The following RCAN1 variants were observed in gnomAD, a reference collection of about 807,000 sequenced individuals.
RCAN1 encodes the protein calcipressin-1.
A neutral mutation model predicts 22.9 loss-of-function variants in RCAN1; 11 were observed. That is an observed-to-expected ratio of 0.48 (90% CI 0.30 to 0.79). RCAN1 has a LOEUF of 0.79. Ranked by LOEUF, RCAN1 falls within the 30% of genes least tolerant of loss-of-function variation. The pLI is 0.06. For missense variants in RCAN1, 291 were observed against 337.8 expected, an observed-to-expected ratio of 0.86 and a Z score of 1.09; for synonymous variants, 136 against 142.3, an observed-to-expected ratio of 0.96 and a Z score of 0.32.
chr21:34,519,247 G>A (rs1984288977), intron 3 of RCAN1, among the ~76,000 whole-genome samples: 1 of 152,158 alleles, frequency 6.6e-6, no homozygotes, highest in Admixed American at 6.5e-5. Context: ...CATCGTTATT[G>A]GTGCCCTGCT....
rs979000549 is a variant in RCAN1, at chr21:34,517,672, T to C, written c.*412A>G. ...CCTCTCTGCACTAGGCGGCTTCCTG[T>C]GGTACCTCTTCCTACCAGTAGAGAG... On this transcript the variant is annotated 3_prime_UTR_variant, in exon 4 of 4. Transcript: ENST00000313806. 1.2e-5 allele frequency: 2 copies of C among 168,902 alleles called. No individual in the cohort carries two copies. The highest frequency in any genetic ancestry group is 2.4e-5 in the African/African-American group (1 of 42,006). 10.5% of individuals were successfully genotyped at this position (168,902 alleles called of 1,614,324 possible). A position where few individuals can be genotyped will look rare whatever the true frequency, so the allele number is the denominator to read the frequency against.
intron 1 of RCAN1, among the ~76,000 whole-genome samples, chr21:34,538,901 G>T (rs536005173): frequency 1.3e-5 from 2 of 152,102 alleles, no homozygotes; most frequent in Non-Finnish European, 2.9e-5. Flanking sequence ...CGACCAACCC[G>T]CAAGGCCCAA....
chr21:34,603,959 A>G lies in RCAN1; in HGVS notation c.252+10801T>C, dbSNP rs571861381. ...ACTTGGATGACAGGCATAAGCCAGG[A>G]TGGACAAAGTGGATGAGACATGTCA... On this transcript the variant is annotated intron_variant, in intron 1 of 3. Coordinates refer to ENST00000313806, the MANE Select transcript of RCAN1 (RefSeq NM_004414.7). Among the ~76,000 whole-genome samples the G allele has an allele frequency of 7.7e-4, 117 of 152,370 alleles. 2 individuals are homozygous for G. Among genetic ancestry groups the G allele is most frequent in the African/African-American group, 2.6e-3 (108 of 41,584 alleles).
rs545274871 is a variant in RCAN1 at position 34,523,524 on chromosome 21, G to A, written c.426+13C>T. ...AGGAGGGAGAAGCATGCATAGCAAT[G>A]AACCCAACTCACCTGAGCAAAATAT... On this transcript the variant is annotated intron_variant, in intron 2 of 3. Coordinates refer to ENST00000313806, the MANE Select transcript of RCAN1 (RefSeq NM_004414.7). 2 of 1,613,200 alleles carry A rather than the reference G, an allele frequency of 1.2e-6. No individual in the cohort carries two copies. The highest frequency in any genetic ancestry group is 1.7e-5 in the Admixed American group (1 of 59,862).
At chr21:34,551,378 A>G (rs562434841) in intron 1 of RCAN1, among the ~76,000 whole-genome samples, 1 of 152,300 alleles carries the variant, frequency 6.6e-6, no homozygotes, top group South Asian at 2.1e-4. Context: ...ACATTTCCTA[A>G]AATTTTAAAA....
Position 34,614,727 on chromosome 21 carries a change from CCGCCCCGACGGCCCGCCCGG to C in RCAN1, c.252+13_252+32del, listed in dbSNP as rs1568938139. The C allele has an allele frequency of 1.4e-6, 2 of 1,400,590 alleles. No individual in the cohort carries two copies. Among genetic ancestry groups the C allele is most frequent in the Non-Finnish European group, 1.9e-6 (2 of 1,071,244 alleles). The allele number at this position is 1,400,590 out of a possible 1,614,324, so 86.8% of individuals were successfully genotyped here. A position where few individuals can be genotyped will look rare whatever the true frequency, so the allele number is the denominator to read the frequency against. Reference sequence around the variant, plus strand: ...TCCTCGGGCAACAAGTGTCCGCCCTCCGCCCCGACGGCCCGCCCGGCGCGGTCCTCACCCGGCACAGGCCG... The same window carrying C: ...TCCTCGGGCAACAAGTGTCCGCCCTCCGCGGTCCTCACCCGGCACAGGCCG... On this transcript the variant is annotated intron_variant, in intron 1 of 3. Transcript: ENST00000313806. The surrounding 1 kb of genome is among the most constrained non-coding windows in gnomAD (Gnocchi z 6.0).
intron 1 of RCAN1, among the ~76,000 whole-genome samples, chr21:34,552,606 AT>A (rs1238658155): frequency 6.6e-6 from 1 of 152,156 alleles, no homozygotes; most frequent in East Asian, 1.9e-4. Context: ...TCAATATTCA[AT>A]AGTAGTGTAG....
At chr21:34,581,026 A>C (rs994643804) in intron 1 of RCAN1, among the ~76,000 whole-genome samples, 1 of 152,192 alleles carries the variant, frequency 6.6e-6, no homozygotes, top group African/African-American at 2.4e-5. Context: ...TAGGAGAACC[A>C]CCCAGAAGTC....
In RCAN1 at chr21:34,523,722, C is replaced by G; in HGVS notation, c.253-12G>C. 6.2e-7 allele frequency: 1 copy of G among 1,606,380 alleles called. No homozygotes were observed. Among genetic ancestry groups the G allele is most frequent in the Non-Finnish European group, 8.5e-7 (1 of 1,176,438 alleles). ...GACTCAAATTTGGCCTGAAAAATAACAATAAAAATAAAAGGAGTTGAAATT... is the reference window on the plus strand; with the variant it reads ...GACTCAAATTTGGCCTGAAAAATAAGAATAAAAATAAAAGGAGTTGAAATT... On this transcript the variant is annotated splice_polypyrimidine_tract_variant and intron_variant, in intron 1 of 3. Transcript: ENST00000313806.
intron 1 of RCAN1, among the ~76,000 whole-genome samples, chr21:34,592,435 C>T (rs1020940393): frequency 6.6e-6 from 1 of 152,150 alleles, no homozygotes; most frequent in African/African-American, 2.4e-5. Context: ...GGCTGCTGTT[C>T]TTCTGAACAT....
intron 1 of RCAN1, among the ~76,000 whole-genome samples, chr21:34,605,443 A>T (rs1482704057): frequency 6.6e-6 from 1 of 152,198 alleles, no homozygotes. Flanking sequence ...CTATCCTATT[A>T]GTTCTGTCCA....
intron 1 of RCAN1, among the ~76,000 whole-genome samples, chr21:34,564,372 A>G (rs1986928246): frequency 6.6e-6 from 1 of 152,184 alleles, no homozygotes; most frequent in Non-Finnish European, 1.5e-5. Flanking sequence ...CAGGGGCCAG[A>G]TCCATTGGTG....
chr21:34,573,060 CTAGATCCAAGCA>C (rs1987288142), intron 1 of RCAN1, among the ~76,000 whole-genome samples: 5 of 152,174 alleles, frequency 3.3e-5, no homozygotes, highest in African/African-American at 1.2e-4. Flanking sequence ...GACTCTCCTC[CTAGATCCAAGCA>C]AATGTCAGCT....
At chr21:34,572,169 C>T (rs1003008086) in intron 1 of RCAN1, among the ~76,000 whole-genome samples, 4 of 152,122 alleles carry the variant, frequency 2.6e-5, no homozygotes, top group Admixed American at 6.5e-5. Flanking sequence ...CCAGGGATTT[C>T]GCAAGAGGTC....
chr21:34,610,927 C>T (rs1988670743), intron 1 of RCAN1, among the ~76,000 whole-genome samples: 11 of 151,886 alleles, frequency 7.2e-5, no homozygotes, highest in Admixed American at 7.2e-4. Context: ...GGTAAGTTTA[C>T]TCAAGCGAAA....
chr21:34,594,143 G>C (rs77248654), intron 1 of RCAN1, among the ~76,000 whole-genome samples: 4,431 of 152,228 alleles, frequency 0.029, 96 homozygotes, highest in Middle Eastern at 0.089. Context: ...AGAGCTGAAT[G>C]GGCAAAGGAT....
At chr21:34,543,853 CT>C (rs1986020119) in intron 1 of RCAN1, among the ~76,000 whole-genome samples, 1 of 152,226 alleles carries the variant, frequency 6.6e-6, no homozygotes, top group Non-Finnish European at 1.5e-5. Context: ...CCTCAGTCAA[CT>C]GGTGGTGCTG....
intron 1 of RCAN1, among the ~76,000 whole-genome samples, chr21:34,544,473 G>A (rs1044645760): frequency 3.3e-5 from 5 of 152,178 alleles, no homozygotes; most frequent in Non-Finnish European, 7.3e-5. Context: ...ACCGGTTCCA[G>A]CCTTGTTAAC....
intron 1 of RCAN1, among the ~76,000 whole-genome samples, chr21:34,563,764 A>ATAT (rs1361853783): frequency 7.6e-5 from 7 of 92,706 alleles, no homozygotes; most frequent in South Asian, 3.9e-4. Context: ...CAAAAAAAAA[A>ATAT]AAAAAAATAT....
Sources: allele counts gnomAD v4.1 joint callset (sites outside exome capture counted in the v4.1 genomes callset), GRCh38; gene constraint gnomAD v4.1.1; non-coding constraint Gnocchi (gnomAD v3.1); transcripts MANE v1.5; gene names NCBI Gene and HGNC (gene_info 2026-07-23, HGNC 2026-07-21).